Variants in DLG2 observed in about 807,000 individuals in gnomAD.
The protein encoded by DLG2 is discs large MAGUK scaffold protein 2.
Under a neutral mutation model 132.5 loss-of-function variants are expected in DLG2, and 45 were observed. The observed-to-expected ratio is 0.34, with a 90% CI of 0.27 to 0.44. The LOEUF is 0.44. Ranked by LOEUF, DLG2 falls within the 20% of genes least tolerant of loss-of-function variation. The pLI is 1.00. For missense variants in DLG2, 1,045 were observed against 1,196.9 expected (o/e 0.87, Z 1.87); for synonymous variants, 424 against 419.6 (o/e 1.01, Z -0.13).
rs537653043 is a variant in DLG2 at position 84,350,002 on chromosome 11, C to T, written c.520-98711G>A. Among the ~76,000 whole-genome samples, 231 of 152,004 alleles carry T rather than the reference C, an allele frequency of 1.5e-3. 1 individual carries two copies. The highest frequency in any genetic ancestry group is 5.3e-3 in the African/African-American group (220 of 41,436). On this transcript the variant is annotated intron_variant, in intron 7 of 27. Coordinates refer to ENST00000376104, the MANE Select transcript of DLG2 (RefSeq NM_001142699.3). ...ACCATCCTAGCTAACACGGTGAAAC[C>T]CCGTCTCTACTAAAAATACAAAAAA...
intron 7 of DLG2, among the ~76,000 whole-genome samples, chr11:84,441,002 C>A (rs187483448): frequency 6.6e-6 from 1 of 151,880 alleles, no homozygotes. Context: ...TGAATATAGA[C>A]CAAACAAAAT....
chr11:84,248,956 G>A (rs970093115), intron 8 of DLG2, among the ~76,000 whole-genome samples: 1 of 152,186 alleles, frequency 6.6e-6, no homozygotes, highest in Non-Finnish European at 1.5e-5. Context: ...GGAAGAATGG[G>A]AAGAATTTTG....
intron 21 of DLG2, among the ~76,000 whole-genome samples, chr11:83,485,015 G>GCAAT (rs781493976): frequency 2.1e-4 from 32 of 152,066 alleles, no homozygotes; most frequent in African/African-American, 6.5e-4. Context: ...CAGCCATGAG[G>GCAAT]CAATCAACCA....
Position 83,974,095 on chromosome 11 carries a change from T to A in DLG2, c.1056+6411A>T, listed in dbSNP as rs533980718. ...TTTTCAAGATGAAAGCAATGTGTTG[T>A]TGGTAGGAAAGAGACATGCTCAGAG... On this transcript the variant is annotated intron_variant, in intron 12 of 27. Transcript: ENST00000376104. Among the ~76,000 whole-genome samples, 125 of 152,190 alleles carry A rather than the reference T, an allele frequency of 8.2e-4. 2 individuals are homozygous for A. The highest frequency in any genetic ancestry group is 2.8e-3 in the African/African-American group (115 of 41,560).
chr11:83,699,907 A>G (rs1158078794), intron 18 of DLG2, among the ~76,000 whole-genome samples: 6 of 144,272 alleles, frequency 4.2e-5, no homozygotes, highest in Admixed American at 3.4e-4. Context: ...GTATGTATGT[A>G]TCTATCTTAT....
At chr11:83,925,048 T>C (rs1432760988) in intron 15 of DLG2, among the ~76,000 whole-genome samples, 1 of 152,102 alleles carries the variant, frequency 6.6e-6, no homozygotes, top group East Asian at 1.9e-4. Flanking sequence ...CTGATTGTAG[T>C]TATGCTAAAT....
At chr11:84,643,584 T>A (rs1174603869) in intron 6 of DLG2, among the ~76,000 whole-genome samples, 1 of 152,220 alleles carries the variant, frequency 6.6e-6, no homozygotes, top group African/African-American at 2.4e-5. Context: ...AGGATGGTTC[T>A]CTTAAAATAG....
At chr11:83,800,357 C>G (rs901418894) in intron 17 of DLG2, among the ~76,000 whole-genome samples, 1 of 152,142 alleles carries the variant, frequency 6.6e-6, no homozygotes. Context: ...ATTTTGTTGA[C>G]AACTTGAGAC....
chr11:84,313,688 A>AG (rs1491527245), intron 7 of DLG2, among the ~76,000 whole-genome samples: 69 of 145,350 alleles, frequency 4.7e-4, no homozygotes, highest in African/African-American at 1.3e-3. Flanking sequence ...AAAGAAAGAA[A>AG]AAGAAAGAGG....
chr11:84,673,743 T>G (rs1403024991), intron 6 of DLG2, among the ~76,000 whole-genome samples: 1 of 152,076 alleles, frequency 6.6e-6, no homozygotes, highest in Non-Finnish European at 1.5e-5. Flanking sequence ...TAGGTACATT[T>G]CAAATTAAAT....
chr11:83,775,819 G>C (rs956596485), intron 18 of DLG2, among the ~76,000 whole-genome samples: 1 of 151,940 alleles, frequency 6.6e-6, no homozygotes, highest in Non-Finnish European at 1.5e-5. Context: ...ATAGCCGGGC[G>C]CAGTGGCTCA....
In DLG2 at chr11:84,740,989, A is replaced by G. The variant is rs549635912; in HGVS notation, c.358-206258T>C. Among the ~76,000 whole-genome samples the G allele has an allele frequency of 5.3e-5, 8 of 151,622 alleles. No homozygotes were observed. The South Asian group carries it at 1.2e-3, about 24-fold the overall frequency. ...CACACACCCAAAATCAGGGCATGAGAAGCATCCCCATGGACTACGCATGGC... is the reference window on the plus strand; with the variant it reads ...CACACACCCAAAATCAGGGCATGAGGAGCATCCCCATGGACTACGCATGGC... On this transcript the variant is annotated intron_variant, in intron 6 of 27. Coordinates refer to ENST00000376104, the MANE Select transcript of DLG2 (RefSeq NM_001142699.3).
At chr11:84,638,328 C>T (rs1490642797) in intron 6 of DLG2, among the ~76,000 whole-genome samples, 4 of 152,106 alleles carry the variant, frequency 2.6e-5, no homozygotes, top group Admixed American at 2.6e-4. Flanking sequence ...AGTAATAATA[C>T]CACAGACAAG....
chr11:83,598,622 G>A (rs1473416048), intron 19 of DLG2, among the ~76,000 whole-genome samples: 1 of 152,166 alleles, frequency 6.6e-6, no homozygotes, highest in Non-Finnish European at 1.5e-5. Context: ...TATACTGATA[G>A]AGACCCTTTA....
chr11:85,384,779 G>C lies in DLG2; in HGVS notation c.41-99414C>G, dbSNP rs144122305. ...AACAGGGCTTCACCATGTTGGCCAGGCTGGTCTCAACCCAACCCCTGTCCT... is the reference window on the plus strand; with the variant it reads ...AACAGGGCTTCACCATGTTGGCCAGCCTGGTCTCAACCCAACCCCTGTCCT... On this transcript the variant is annotated intron_variant, in intron 3 of 27. Coordinates refer to ENST00000376104, the MANE Select transcript of DLG2 (RefSeq NM_001142699.3). Among the ~76,000 whole-genome samples, 13 of 152,164 alleles carry C rather than the reference G, an allele frequency of 8.5e-5. No individual in the cohort carries two copies. The East Asian group carries it at 2.5e-3, about 29-fold the overall frequency.
chr11:84,989,775 C>T (rs1049296426), intron 6 of DLG2, among the ~76,000 whole-genome samples: 4 of 152,038 alleles, frequency 2.6e-5, no homozygotes, highest in African/African-American at 7.2e-5. Context: ...GGGACAGATA[C>T]ATAGATTAAT....
intron 22 of DLG2, among the ~76,000 whole-genome samples, chr11:83,473,880 T>C (rs187481518): frequency 6.6e-6 from 1 of 152,236 alleles, no homozygotes; most frequent in Admixed American, 6.5e-5. Flanking sequence ...GTTTTGATAA[T>C]GAGACTGATT....
chr11:85,584,342 GTGTGT>G, intron 3 of DLG2, among the ~76,000 whole-genome samples: 1 of 4,558 alleles, frequency 2.2e-4, no homozygotes, highest in African/African-American at 1.4e-3. Flanking sequence ...ATTCCATGGT[GTGTGT>G]GTGTGTGTGT....
intron 3 of DLG2, among the ~76,000 whole-genome samples, chr11:85,363,572 C>T (rs553139246): frequency 2.5e-4 from 38 of 152,264 alleles, no homozygotes; most frequent in African/African-American, 8.4e-4. Flanking sequence ...TTAGCAGTGC[C>T]TAACATGTTG....
Sources: gnomAD v4.1 joint callset for allele counts (sites outside exome capture counted in the v4.1 genomes callset) on GRCh38, gnomAD v4.1.1 for gene constraint, MANE v1.5 for transcripts, NCBI Gene and HGNC (gene_info 2026-07-23, HGNC 2026-07-21) for gene names.